PDE11A: variants seen among roughly 807,000 people sequenced by gnomAD.
PDE11A encodes phosphodiesterase 11A, also known as dual 3',5'-cyclic-AMP and -GMP phosphodiesterase 11A.
A neutral mutation model predicts 100.5 loss-of-function variants in PDE11A; 100 were observed. The observed-to-expected ratio is 1.00, with a 90% confidence interval of 0.85 to 1.18. PDE11A has a LOEUF of 1.18. PDE11A is among the 50% of genes most tolerant of loss of function. PDE11A has a pLI of 0.00. For missense variants in PDE11A, 1,141 were observed against 1,152.6 expected (o/e 0.99, Z 0.15); for synonymous variants, 381 against 420.8 (o/e 0.91, Z 1.16).
rs1273099299 is a variant in PDE11A at position 177,977,537 on chromosome 2, C to T, written c.1071+36765G>A. ...CCCAAGGTAATTTACAGATTCAATG[C>T]CATCCCCATCAAGCTACCAATGACT... On this transcript the variant is annotated intron_variant, in intron 2 of 19. Coordinates refer to ENST00000286063, the MANE Select transcript of PDE11A (RefSeq NM_016953.4). 3.7e-3 allele frequency among the ~76,000 whole-genome samples: 387 copies of T among 103,802 alleles called. 13 individuals are homozygous for T. The highest frequency in any genetic ancestry group is 5.7e-3 in the Non-Finnish European group (283 of 50,016). The allele number at this position is 103,802 out of a possible 152,430, so 68.1% of individuals were successfully genotyped here. A position where few individuals can be genotyped will look rare whatever the true frequency, so the allele number is the denominator to read the frequency against.
rs749525622 is a variant in PDE11A, at chr2:177,875,878, T to C, written c.1348A>G (p.Ser450Gly). ...CCCTACCTGTTCTCAGCATCAGCAC[T>C]GCACTTTGGGGACATCAATTCAAAG... is the stretch of plus-strand genomic sequence containing the variant. ...KSFELMSPKC[S>G]ADAENSFKES... The change falls in exon 5 of 20, where the codon AGT becomes GGT. Residue 450 changes from serine to glycine, a missense_variant. Ser to Gly is a moderately conservative substitution (Grantham distance 56). Transcript: ENST00000286063. The C allele has an allele frequency of 1.2e-6, 2 of 1,611,830 alleles. No individual in the cohort carries two copies. Among genetic ancestry groups the C allele is most frequent in the East Asian group, 2.2e-5 (1 of 44,858 alleles).
At chr2:177,920,058 C>G (rs959250798) in intron 2 of PDE11A, among the ~76,000 whole-genome samples, 4 of 151,944 alleles carry the variant, frequency 2.6e-5, no homozygotes, top group African/African-American at 9.7e-5. Flanking sequence ...TTAGAAAATC[C>G]TTTTTGAAAA....
At chr2:178,059,478 T>C (rs2086940561) in intron 1 of PDE11A, among the ~76,000 whole-genome samples, 1 of 152,196 alleles carries the variant, frequency 6.6e-6, no homozygotes. Flanking sequence ...GGTGGCTGCC[T>C]GCAGGGGCTG....
At chr2:177,942,631 A>C (rs1252350109) in intron 2 of PDE11A, among the ~76,000 whole-genome samples, 4 of 151,984 alleles carry the variant, frequency 2.6e-5, no homozygotes, top group Non-Finnish European at 4.4e-5. Context: ...CGAACTTCCA[A>C]CCTCAGGTGA....
intron 4 of PDE11A, 56 bp downstream of exon 4, chr2:177,898,002 C>T (rs2084635798): frequency 5.1e-6 from 7 of 1,381,660 alleles, no homozygotes; most frequent in Non-Finnish European, 7.2e-6. Flanking sequence ...TATAAATAAA[C>T]TCAACTTTAT....
At chr2:177,780,742 C>A (rs968884747) in intron 9 of PDE11A, among the ~76,000 whole-genome samples, 3 of 152,198 alleles carry the variant, frequency 2.0e-5, no homozygotes, top group African/African-American at 7.2e-5. Context: ...TCTCTGCTAG[C>A]TTCAAACTTT....
intron 18 of PDE11A, among the ~76,000 whole-genome samples, chr2:177,666,936 T>TATTTATTTA: frequency 6.6e-6 from 1 of 151,716 alleles, no homozygotes; most frequent in Non-Finnish European, 1.5e-5. Context: ...TTTATTTATT[T>TATTTATTTA]TGAGAGAGTC....
intron 2 of PDE11A, among the ~76,000 whole-genome samples, chr2:178,094,186 G>A (rs2366367): frequency 0.98 from 149,335 of 152,258 alleles, 73,292 homozygotes; most frequent in East Asian, 1. Context: ...CAGTACACAC[G>A]CAAACACACA....
chr2:177,658,056 A>G (rs1422383500), intron 19 of PDE11A, among the ~76,000 whole-genome samples: 2 of 152,120 alleles, frequency 1.3e-5, no homozygotes, highest in African/African-American at 4.8e-5. Flanking sequence ...GGCACAAAGT[A>G]CTCATCACAC....
At chr2:177,874,706 G>T (rs2084201721) in intron 5 of PDE11A, among the ~76,000 whole-genome samples, 1 of 152,110 alleles carries the variant, frequency 6.6e-6, no homozygotes, top group South Asian at 2.1e-4. Flanking sequence ...GAGAAACAAA[G>T]AGCAAAAATA....
chr2:177,910,441 T>C (rs2084862182), intron 2 of PDE11A, among the ~76,000 whole-genome samples: 1 of 151,190 alleles, frequency 6.6e-6, no homozygotes, highest in Non-Finnish European at 1.5e-5. Context: ...TATATATATA[T>C]ATATACACAC....
At chr2:177,701,846 CT>C (rs893812919) in intron 13 of PDE11A, among the ~76,000 whole-genome samples, 1 of 152,196 alleles carries the variant, frequency 6.6e-6, no homozygotes, top group African/African-American at 2.4e-5. Context: ...GTGTGGAACT[CT>C]GAAAAGTTCT....
In PDE11A at chr2:177,629,359, T is replaced by C. The variant is rs755237501; in HGVS notation, c.*48A>G. 1.8e-5 allele frequency: 28 copies of C among 1,532,586 alleles called. No homozygotes were observed. The highest frequency in any genetic ancestry group is 2.5e-5 in the Non-Finnish European group (28 of 1,106,684). The allele number at this position is 1,532,586 out of a possible 1,614,324, so 94.9% of individuals were successfully genotyped here. ...AAGGATGACATTGCTGGACTGAAAA[T>C]GGCCCTTCAGGCTGTAGTCATTTTG... On this transcript the variant is annotated 3_prime_UTR_variant, in exon 20 of 20. Coordinates refer to ENST00000286063, the MANE Select transcript of PDE11A (RefSeq NM_016953.4).
chr2:177,624,024 C>T lies in PDE11A; in HGVS notation c.*5383G>A, dbSNP rs927622164. The T allele has an allele frequency of 6.6e-6, 1 of 152,150 alleles. No homozygotes were observed. The highest frequency in any genetic ancestry group is 2.4e-5 in the African/African-American group (1 of 41,438). 9.4% of individuals were successfully genotyped at this position (152,150 alleles called of 1,614,324 possible). A position where few individuals can be genotyped will look rare whatever the true frequency, so the allele number is the denominator to read the frequency against. ...CCTCTATATGTTTTATTCTATTATT[C>T]TTCACTTAGGAAGCTGGTGCAATTT... is the stretch of plus-strand genomic sequence containing the variant. On this transcript the variant is annotated 3_prime_UTR_variant, in exon 20 of 20. Coordinates refer to ENST00000286063, the MANE Select transcript of PDE11A (RefSeq NM_016953.4).
intron 5 of PDE11A, among the ~76,000 whole-genome samples, chr2:177,853,635 CATATATATATATATAT>C (rs371434526): frequency 0.047 from 1,713 of 36,208 alleles, 53 homozygotes; most frequent in South Asian, 0.071. Context: ...ACAAGTCCTG[CATATATATATATATAT>C]ATATATATAT....
intron 10 of PDE11A, among the ~76,000 whole-genome samples, chr2:177,732,354 T>C (rs183679647): frequency 1.0e-3 from 157 of 152,354 alleles, no homozygotes; most frequent in African/African-American, 3.6e-3. Flanking sequence ...TTTGTTCCAA[T>C]TCAAAATCAA....
chr2:177,969,442 A>G (rs978929136), intron 2 of PDE11A, among the ~76,000 whole-genome samples: 1 of 152,172 alleles, frequency 6.6e-6, no homozygotes, highest in Non-Finnish European at 1.5e-5. Flanking sequence ...ATAATAAAAA[A>G]AAACTCTCCA....
At chr2:177,816,384 G>A (rs529916810) in intron 9 of PDE11A, among the ~76,000 whole-genome samples, 315 of 152,250 alleles carry the variant, frequency 2.1e-3, no homozygotes, top group Non-Finnish European at 3.5e-3. Flanking sequence ...TGTGTTGGGG[G>A]AGGGAGGAAG....
chr2:177,759,381 A>G (rs185881136), intron 10 of PDE11A, among the ~76,000 whole-genome samples: 4 of 152,350 alleles, frequency 2.6e-5, no homozygotes, highest in Middle Eastern at 3.4e-3. Flanking sequence ...AAAAAATGCA[A>G]GCCCAGTCTC....
Sources: gnomAD v4.1 joint callset for allele counts (sites outside exome capture counted in the v4.1 genomes callset) on GRCh38, gnomAD v4.1.1 for gene constraint, MANE v1.5 for transcripts, NCBI Gene and HGNC (gene_info 2026-07-23, HGNC 2026-07-21) for gene names.